The following GLDC variants were observed in gnomAD, a reference collection of about 807,000 sequenced individuals.
GLDC encodes glycine dehydrogenase (decarboxylating), mitochondrial.
GLDC carries 104 observed loss-of-function variants against 121.3 expected under a neutral mutation model. The ratio of observed to expected loss-of-function variants is 0.86; its 90% CI spans 0.73 to 1.01. The LOEUF is 1.01. GLDC is among the 50% of genes least tolerant of loss of function. GLDC has a pLI of 0.00. For missense variants in GLDC, 1,429 were observed against 1,306.6 expected (o/e 1.09, Z -1.44); for synonymous variants, 546 against 480.6 (o/e 1.14, Z -1.78).
At chr9:6,621,597 A>G (rs1442449138) in intron 2 of GLDC, among the ~76,000 whole-genome samples, 5 of 152,100 alleles carry the variant, frequency 3.3e-5, no homozygotes, top group Admixed American at 6.5e-5. Context: ...GGCTCACTGC[A>G]ACCTCCACCT....
In GLDC at chr9:6,588,650, C is replaced by G. The variant is rs1248573767; in HGVS notation, c.1633G>C (p.Asp545His). Residue 545 changes from aspartate to histidine, a missense_variant, in exon 13 of 25, where the codon GAC becomes CAC. By Grantham distance (81) the Asp-to-His change is moderately conservative. Coordinates refer to ENST00000321612, the MANE Select transcript of GLDC (RefSeq NM_000170.3). ...ATCATGCTGTGAACAAGGGAAATGTCTTTATTTTCCAGTTTCTTCATGTAC... is the reference window on the plus strand; with the variant it reads ...ATCATGCTGTGAACAAGGGAAATGTGTTTATTTTCCAGTTTCTTCATGTAC... ...VRYMKKLENKDISLVHSMIPL... is the reference protein window; with the variant it reads ...VRYMKKLENKHISLVHSMIPL... The G allele has an allele frequency of 6.2e-7, 1 of 1,612,728 alleles. No individual in the cohort carries two copies.
intron 2 of GLDC, among the ~76,000 whole-genome samples, chr9:6,637,132 A>C (rs1483033176): frequency 2.0e-5 from 3 of 151,014 alleles, no homozygotes; most frequent in African/African-American, 7.3e-5. Flanking sequence ...CACGCCTGTA[A>C]TGCCAGCACT....
chr9:6,642,885 A>AT (rs1382177380), intron 2 of GLDC, among the ~76,000 whole-genome samples: 3 of 150,162 alleles, frequency 2.0e-5, no homozygotes, highest in Non-Finnish European at 3.0e-5. Flanking sequence ...TAGGATTCTG[A>AT]TTTTTTCTTT....
At chr9:6,611,125 G>C (rs1012584943) in intron 3 of GLDC, among the ~76,000 whole-genome samples, 3 of 152,304 alleles carry the variant, frequency 2.0e-5, no homozygotes, top group South Asian at 4.1e-4. Flanking sequence ...CAGTTACTAA[G>C]AGTCCATGGC....
At chr9:6,642,118 G>A (rs1819641437) in intron 2 of GLDC, among the ~76,000 whole-genome samples, 1 of 152,158 alleles carries the variant, frequency 6.6e-6, no homozygotes, top group Non-Finnish European at 1.5e-5. Flanking sequence ...AACAAGCTTT[G>A]TTGGAGAACT....
At chr9:6,537,158 G>C (rs974420145) in intron 22 of GLDC, among the ~76,000 whole-genome samples, 2 of 151,632 alleles carry the variant, frequency 1.3e-5, no homozygotes, top group African/African-American at 4.9e-5. Flanking sequence ...AGCCTTCCAA[G>C]TAGCTGAGAC....
chr9:6,605,349 C>G (rs1818708918), intron 5 of GLDC, 71 bp from the exon 6 acceptor site: 1 of 1,505,390 alleles, frequency 6.6e-7, no homozygotes, highest in African/African-American at 1.4e-5. Context: ...CGTTTCTTTT[C>G]CAGTAAGACA....
chr9:6,633,664 G>T (rs72695582), intron 2 of GLDC, among the ~76,000 whole-genome samples: 1 of 151,862 alleles, frequency 6.6e-6, no homozygotes, highest in East Asian at 1.9e-4. Context: ...GCTCACAACT[G>T]TAATCCCAGC....
intron 21 of GLDC, among the ~76,000 whole-genome samples, chr9:6,549,766 G>A (rs1817471289): frequency 6.6e-6 from 1 of 152,046 alleles, no homozygotes; most frequent in Admixed American, 6.6e-5. Context: ...AATCACAGGT[G>A]TGATTACAGG....
chr9:6,612,055 T>A (rs1818867602), intron 3 of GLDC, among the ~76,000 whole-genome samples: 1 of 152,118 alleles, frequency 6.6e-6, no homozygotes, highest in African/African-American at 2.4e-5. Flanking sequence ...CCTTTCTATT[T>A]GCCTACACCA....
At chr9:6,594,262 T>C (rs1818443441) in intron 9 of GLDC, among the ~76,000 whole-genome samples, 2 of 152,196 alleles carry the variant, frequency 1.3e-5, no homozygotes. Context: ...CTTATTTCTT[T>C]TAAAATTACA....
chr9:6,537,363 C>A (rs528924949), intron 22 of GLDC, among the ~76,000 whole-genome samples: 4 of 152,322 alleles, frequency 2.6e-5, no homozygotes, highest in Non-Finnish European at 5.9e-5. Flanking sequence ...GGTTGATACA[C>A]CTCTGAACTA....
intron 22 of GLDC, among the ~76,000 whole-genome samples, 191 bp downstream of exon 22, chr9:6,539,859 TC>T (rs1817218793): frequency 6.6e-6 from 1 of 152,200 alleles, no homozygotes; most frequent in Non-Finnish European, 1.5e-5. Context: ...TATTTTAATA[TC>T]TTCTGAAGGG....
intron 15 of GLDC, among the ~76,000 whole-genome samples, chr9:6,584,794 G>A (rs1032078229): frequency 3.3e-5 from 5 of 152,240 alleles, no homozygotes; most frequent in African/African-American, 1.2e-4. Flanking sequence ...GGATGGTATA[G>A]CTGGGAATCT....
chr9:6,593,443 C>T (rs1012077328), intron 9 of GLDC, among the ~76,000 whole-genome samples: 6 of 151,556 alleles, frequency 4.0e-5, no homozygotes, highest in African/African-American at 1.5e-4. Context: ...GGATCAAGGA[C>T]TCATGCCATC....
At chr9:6,581,961 C>A (rs1818178005) in intron 15 of GLDC, among the ~76,000 whole-genome samples, 1 of 151,960 alleles carries the variant, frequency 6.6e-6, no homozygotes, top group South Asian at 2.1e-4. Context: ...CCGCCTGTAA[C>A]CCCAGCACCT....
intron 3 of GLDC, among the ~76,000 whole-genome samples, chr9:6,613,381 C>A (rs924279082): frequency 3.9e-5 from 6 of 152,124 alleles, no homozygotes. Flanking sequence ...AATACCAACA[C>A]TTTGGGAGGC....
intron 3 of GLDC, among the ~76,000 whole-genome samples, chr9:6,618,116 T>C (rs1173013857): frequency 1.3e-5 from 2 of 152,248 alleles, no homozygotes; most frequent in African/African-American, 4.8e-5. Context: ...CATCTATGTC[T>C]GATTTGTTTC....
chr9:6,582,906 T>A (rs1199876071), intron 15 of GLDC, among the ~76,000 whole-genome samples: 1 of 151,640 alleles, frequency 6.6e-6, no homozygotes, highest in Non-Finnish European at 1.5e-5. Flanking sequence ...GCAAAGGACT[T>A]GAATACACGT....
Sources: gnomAD v4.1 joint callset for allele counts (sites outside exome capture counted in the v4.1 genomes callset) on GRCh38, gnomAD v4.1.1 for gene constraint, MANE v1.5 for transcripts, NCBI Gene and HGNC (gene_info 2026-07-23, HGNC 2026-07-21) for gene names.